EPB41L2: variants seen among roughly 807,000 people sequenced by gnomAD.
EPB41L2 encodes erythrocyte membrane protein band 4.1 like 2, also known as band 4.1-like protein 2.
Under a neutral mutation model 113.0 loss-of-function variants are expected in EPB41L2, and 43 were observed. The ratio of observed to expected loss-of-function variants is 0.38; its 90% CI spans 0.30 to 0.49. The LOEUF is 0.49. EPB41L2 is among the 20% of genes least tolerant of loss of function. The probability of loss-of-function intolerance (pLI) is 0.95; values close to 1 mark genes in which losing one functional copy is unlikely to be tolerated. For synonymous variants in EPB41L2, 442 were observed against 436.7 expected, an observed-to-expected ratio of 1.01 and a Z score of -0.15; for missense variants, 1,147 against 1,223.4, an observed-to-expected ratio of 0.94 and a Z score of 0.93.
chr6:130,955,357 C>A, intron 2 of EPB41L2, 40 bp from the exon 3 acceptor site: 1 of 1,584,730 alleles, frequency 6.3e-7, no homozygotes, highest in Non-Finnish European at 8.6e-7. Context: ...TATAGTCAAC[C>A]ACCTTGCAGA....
intron 1 of EPB41L2, among the ~76,000 whole-genome samples, chr6:131,052,289 C>G (rs1166938536): frequency 4.6e-5 from 7 of 152,056 alleles, no homozygotes; most frequent in African/African-American, 1.7e-4. Context: ...GTTACAAGTT[C>G]ATGGATAAAC....
chr6:130,995,909 C>T (rs1462697797), intron 1 of EPB41L2, among the ~76,000 whole-genome samples: 2 of 152,174 alleles, frequency 1.3e-5, no homozygotes, highest in Non-Finnish European at 2.9e-5. Context: ...CCTAAAATTC[C>T]AGGTTAACCA....
chr6:130,988,854 C>T lies in EPB41L2; in HGVS notation c.-14-32355G>A, dbSNP rs185650536. ...CTGTAATCCCAGCACTTTGGGAGGCCGAGGCAGGCGGATCACCTGAGGTCA... is the reference window on the plus strand; with the variant it reads ...CTGTAATCCCAGCACTTTGGGAGGCTGAGGCAGGCGGATCACCTGAGGTCA... On this transcript the variant is annotated intron_variant, in intron 1 of 19. Coordinates refer to ENST00000337057, the MANE Select transcript of EPB41L2 (RefSeq NM_001431.4). Among the ~76,000 whole-genome samples the T allele has an allele frequency of 3.7e-4, 57 of 152,226 alleles. 1 individual carries two copies. The highest frequency in any genetic ancestry group is 1.3e-3 in the African/African-American group (52 of 41,554).
At position 131,036,525 on chromosome 6, in the gene EPB41L2, G is replaced by A. The variant is rs940857148; in HGVS notation, c.-15+26630C>T. On this transcript the variant is annotated intron_variant, in intron 1 of 19. Transcript: ENST00000337057. ...AAACCAAGGAGAAATCAAACGAATG[G>A]GATTCAATGATTCTGGGACAATGGG... Among the ~76,000 whole-genome samples the A allele has an allele frequency of 3.3e-5, 5 of 152,146 alleles. 1 individual carries two copies. The highest frequency in any genetic ancestry group is 1.2e-4 in the African/African-American group (5 of 41,430).
intron 1 of EPB41L2, among the ~76,000 whole-genome samples, chr6:131,022,679 C>T (rs1789782706): frequency 6.6e-6 from 1 of 152,128 alleles, no homozygotes; most frequent in South Asian, 2.1e-4. Context: ...TATCACTGTG[C>T]CAGGTAAGTA....
At position 130,892,907 on chromosome 6, in the gene EPB41L2, C is replaced by T. The variant is rs191964393; in HGVS notation, c.1487+1437G>A. Among the ~76,000 whole-genome samples, 414 of 152,140 alleles carry T rather than the reference C, an allele frequency of 2.7e-3. 1 individual carries two copies. The highest frequency in any genetic ancestry group is 3.9e-3 in the Non-Finnish European group (268 of 67,998). On this transcript the variant is annotated intron_variant, in intron 10 of 19. Transcript: ENST00000337057. ...AAGTGAAGCAGAGAGGTTGGTATCA[C>T]GGTGACACAGCTCGTATTTGGTAGA... is the stretch of plus-strand genomic sequence containing the variant.
intron 3 of EPB41L2, among the ~76,000 whole-genome samples, chr6:130,934,739 C>T (rs1808160659): frequency 6.6e-6 from 1 of 151,920 alleles, no homozygotes; most frequent in Non-Finnish European, 1.5e-5. Context: ...CCTTGGCCTC[C>T]CAAAGTGCTG....
At position 130,865,556 on chromosome 6, in the gene EPB41L2, T is replaced by G. The variant is rs1783473977; in HGVS notation, c.2809A>C (p.Thr937Pro). Residue 937 changes from threonine (T) to proline (P), a missense_variant, in exon 17 of 20, where the codon ACA becomes CCA. By Grantham distance (38) the Thr-to-Pro change is conservative (BLOSUM62 -1). Transcript: ENST00000337057. Reference sequence around the variant, plus strand: ...TTTACCTTGGTGATGTGTGTGGTTGTCGTTGTTGACACGGACTCAGATGTG... The same window carrying G: ...TTTACCTTGGTGATGTGTGTGGTTGGCGTTGTTGACACGGACTCAGATGTG... ...TITSESVSTT[T>P]TTHITKTVKG... is the part of the protein sequence containing the mutation. 6.2e-7 allele frequency: 1 copy of G among 1,614,180 alleles called. No individual in the cohort carries two copies. Among genetic ancestry groups the G allele is most frequent in the African/African-American group, 1.3e-5 (1 of 75,036 alleles).
At chr6:131,009,149 A>G (rs1226612170) in intron 1 of EPB41L2, among the ~76,000 whole-genome samples, 2 of 152,218 alleles carry the variant, frequency 1.3e-5, no homozygotes, top group African/African-American at 2.4e-5. Context: ...GGGTGGGGCC[A>G]GGTGGAGTTA....
chr6:130,850,170 G>A (rs994484851), intron 19 of EPB41L2, among the ~76,000 whole-genome samples: 1 of 152,098 alleles, frequency 6.6e-6, no homozygotes, highest in African/African-American at 2.4e-5. Flanking sequence ...CCTGGGAGGC[G>A]GAAGTTACAG....
At chr6:130,922,426 CTG>C (rs1359598682) in intron 4 of EPB41L2, among the ~76,000 whole-genome samples, 1 of 152,192 alleles carries the variant, frequency 6.6e-6, no homozygotes, top group African/African-American at 2.4e-5. Context: ...CTATGAAAAA[CTG>C]TGCCCATTTT....
intron 3 of EPB41L2, among the ~76,000 whole-genome samples, chr6:130,938,887 A>G (rs899096882): frequency 1.3e-5 from 2 of 152,192 alleles, no homozygotes; most frequent in South Asian, 4.1e-4. Context: ...TTGAAAAAGT[A>G]GGGATTTTGT....
intron 1 of EPB41L2, among the ~76,000 whole-genome samples, chr6:130,985,196 A>G (rs1046129412): frequency 6.6e-6 from 1 of 152,170 alleles, no homozygotes; most frequent in Non-Finnish European, 1.5e-5. Context: ...CTTTCTGAAT[A>G]ATGCTTTTTA....
chr6:130,912,080 A>C (rs1799594991), intron 4 of EPB41L2, among the ~76,000 whole-genome samples: 1 of 152,102 alleles, frequency 6.6e-6, no homozygotes, highest in African/African-American at 2.4e-5. Flanking sequence ...CAAGAGAGGG[A>C]TCTAGGCTGC....
chr6:130,896,390 C>A (rs1320686149), intron 8 of EPB41L2, among the ~76,000 whole-genome samples: 1 of 152,206 alleles, frequency 6.6e-6, no homozygotes, highest in Non-Finnish European at 1.5e-5. Context: ...GGTGCCCAAG[C>A]AACTTGGCAC....
intron 12 of EPB41L2, 84 bp downstream of exon 12, chr6:130,885,012 T>C (rs1051259303): frequency 6.1e-6 from 9 of 1,484,174 alleles, no homozygotes; most frequent in South Asian, 1.2e-5. Flanking sequence ...TTTTAAATAC[T>C]TGATTTCTGA....
intron 1 of EPB41L2, among the ~76,000 whole-genome samples, chr6:131,032,217 G>T (rs2128751486): frequency 6.6e-6 from 1 of 151,986 alleles, no homozygotes; most frequent in Admixed American, 6.5e-5. Context: ...AAGAGGGACT[G>T]GTATAGTGGT....
At chr6:130,856,542 C>T (rs1355050848) in intron 19 of EPB41L2, among the ~76,000 whole-genome samples, 1 of 152,160 alleles carries the variant, frequency 6.6e-6, no homozygotes, top group Non-Finnish European at 1.5e-5. Context: ...ATTTACCAAA[C>T]TAGCAAAAAT....
intron 3 of EPB41L2, among the ~76,000 whole-genome samples, chr6:130,940,488 T>A (rs1425355300): frequency 1.3e-5 from 2 of 150,612 alleles, no homozygotes; most frequent in Non-Finnish European, 2.9e-5. Context: ...TTTTGGGAGA[T>A]GGAGTCTCAC....
Sources: allele counts gnomAD v4.1 joint callset (sites outside exome capture counted in the v4.1 genomes callset), GRCh38; gene constraint gnomAD v4.1.1; transcripts MANE v1.5; gene names NCBI Gene and HGNC (gene_info 2026-07-23, HGNC 2026-07-21).